LRRC72: variants seen among roughly 807,000 people sequenced by gnomAD.
The protein encoded by LRRC72 is leucine-rich repeat-containing protein 72.
A neutral mutation model predicts 35.8 loss-of-function variants in LRRC72; 41 were observed. The ratio of observed to expected loss-of-function variants is 1.15; its 90% CI spans 0.89 to 1.49. The LOEUF (loss-of-function observed/expected upper bound fraction) is 1.49. Ranked by LOEUF, LRRC72 falls within the 40% of genes most tolerant of loss-of-function variation. The probability of loss-of-function intolerance (pLI) is 0.00; values close to 1 mark genes in which losing one functional copy is unlikely to be tolerated. For missense variants in LRRC72, 389 were observed against 330.7 expected, an observed-to-expected ratio of 1.18 and a Z score of -1.37; for synonymous variants, 118 against 119.2, an observed-to-expected ratio of 0.99 and a Z score of 0.07.
At chr7:16,579,428 T>A (rs994887176) in intron 7 of LRRC72, among the ~76,000 whole-genome samples, 2 of 152,130 alleles carry the variant, frequency 1.3e-5, no homozygotes, top group African/African-American at 4.8e-5. Flanking sequence ...TACTGTGGGC[T>A]TCTCTGGCAC....
chr7:16,571,905 G>T (rs1782952438), intron 7 of LRRC72, among the ~76,000 whole-genome samples: 1 of 152,200 alleles, frequency 6.6e-6, no homozygotes, highest in Admixed American at 6.5e-5. Context: ...TAGCTCAGCG[G>T]ATCCCACCCC....
At chr7:16,535,205 T>C (rs1782232784) in intron 2 of LRRC72, among the ~76,000 whole-genome samples, 1 of 152,040 alleles carries the variant, frequency 6.6e-6, no homozygotes, top group African/African-American at 2.4e-5. Flanking sequence ...AAAAAAAAAG[T>C]TGTTTTGGAA....
chr7:16,557,556 A>G, intron 4 of LRRC72, 115 bp downstream of exon 4: 1 of 356,036 alleles, frequency 2.8e-6, no homozygotes, highest in Admixed American at 4.8e-5. Context: ...TTGAAAATAT[A>G]TTAAGAAATG....
At chr7:16,546,625 G>T (rs192315444) in intron 3 of LRRC72, among the ~76,000 whole-genome samples, 1 of 152,014 alleles carries the variant, frequency 6.6e-6, no homozygotes, top group African/African-American at 2.4e-5. Flanking sequence ...TCTTACAGTA[G>T]CCAACAAGGT....
At chr7:16,551,354 A>G (rs1232196292) in intron 3 of LRRC72, among the ~76,000 whole-genome samples, 1 of 152,182 alleles carries the variant, frequency 6.6e-6, no homozygotes, top group East Asian at 1.9e-4. Flanking sequence ...CCTGGCATAC[A>G]ACTCCCCAAA....
chr7:16,574,770 A>C (rs1214699317), intron 7 of LRRC72, among the ~76,000 whole-genome samples: 1 of 152,096 alleles, frequency 6.6e-6, no homozygotes, highest in East Asian at 1.9e-4. Context: ...CACGTCCTGC[A>C]CATATATCCT....
intron 5 of LRRC72, among the ~76,000 whole-genome samples, chr7:16,560,549 T>G (rs540498438): frequency 6.6e-6 from 1 of 152,320 alleles, no homozygotes; most frequent in Non-Finnish European, 1.5e-5. Context: ...TTGAGTCACC[T>G]GGCCCCTGTC....
chr7:16,577,074 C>T lies in LRRC72; in HGVS notation c.671-3000C>T, dbSNP rs539875728. Among the ~76,000 whole-genome samples, 42 of 152,292 alleles carry T rather than the reference C, an allele frequency of 2.8e-4. No homozygotes were observed. The South Asian group carries it at 7.5e-3, about 27-fold the overall frequency. On this transcript the variant is annotated intron_variant, in intron 7 of 8. Coordinates refer to ENST00000401542, the MANE Select transcript of LRRC72 (RefSeq NM_001195280.2). ...CATTTCTGACTTTGGGTAGCTATGA[C>T]ATATCAGGCACACCCAGAAGAGTAA...
At chr7:16,568,087 CA>C (rs796746681) in intron 7 of LRRC72, among the ~76,000 whole-genome samples, 14 of 147,664 alleles carry the variant, frequency 9.5e-5, no homozygotes, top group East Asian at 3.9e-4. Context: ...AACAGAAATG[CA>C]AAAAAAAATA....
At chr7:16,564,524 A>G (rs1319635180) in intron 5 of LRRC72, among the ~76,000 whole-genome samples, 2 of 151,454 alleles carry the variant, frequency 1.3e-5, no homozygotes, top group Non-Finnish European at 2.9e-5. Flanking sequence ...AAAAAAAAAA[A>G]GTTTTATTTT....
At chr7:16,576,363 A>AATT (rs1783040915) in intron 7 of LRRC72, among the ~76,000 whole-genome samples, 1 of 152,192 alleles carries the variant, frequency 6.6e-6, no homozygotes, top group African/African-American at 2.4e-5. Context: ...GAGAAATATG[A>AATT]ATTATTTTAT....
chr7:16,536,573 C>T (rs1013937731), intron 2 of LRRC72, among the ~76,000 whole-genome samples: 3 of 151,442 alleles, frequency 2.0e-5, no homozygotes, highest in East Asian at 1.9e-4. Context: ...TTAAAAATTA[C>T]GATGGTTATA....
At chr7:16,551,420 T>C (rs1405881583) in intron 3 of LRRC72, among the ~76,000 whole-genome samples, 5 of 152,178 alleles carry the variant, frequency 3.3e-5, no homozygotes, top group Non-Finnish European at 5.9e-5. Context: ...AATTGAGTGA[T>C]GGTTGGCAGC....
rs948780548 is a variant in LRRC72, at chr7:16,557,502, T to A, written c.316+61T>A. On this transcript the variant is annotated intron_variant, in intron 4 of 8. Coordinates refer to ENST00000401542, the MANE Select transcript of LRRC72 (RefSeq NM_001195280.2). ...TCAATTAAGTAATAACTTTCAACTA[T>A]GGTAATTGCTAATGACAGACAAAAA... 5 of 525,444 alleles carry A rather than the reference T, an allele frequency of 9.5e-6. No homozygotes were observed. In the African/African-American group the frequency reaches 9.9e-5, roughly 10 times the overall value. 32.5% of individuals were successfully genotyped at this position (525,444 alleles called of 1,614,324 possible).
Position 16,579,311 on chromosome 7 carries a change from A to G in LRRC72, c.671-763A>G, listed in dbSNP as rs569561952. ...AAAAGAAAGAGCCTAGGATGATCAG[A>G]AACGCATGAGAGACTTTCGTTAGCC... On this transcript the variant is annotated intron_variant, in intron 7 of 8. Coordinates refer to ENST00000401542, the MANE Select transcript of LRRC72 (RefSeq NM_001195280.2). 2.6e-5 allele frequency among the ~76,000 whole-genome samples: 4 copies of G among 152,326 alleles called. No homozygotes were observed. In the South Asian group the frequency reaches 8.3e-4, roughly 32 times the overall value.
intron 7 of LRRC72, among the ~76,000 whole-genome samples, 159 bp from the exon 8 acceptor site, chr7:16,579,911 TTAGA>T (rs1163365332): frequency 6.6e-6 from 1 of 152,150 alleles, no homozygotes; most frequent in Non-Finnish European, 1.5e-5. Flanking sequence ...TGCTTTGGAG[TTAGA>T]TAAAAAGGCA....
chr7:16,532,172 T>C (rs1192968095), intron 1 of LRRC72, among the ~76,000 whole-genome samples: 2 of 152,166 alleles, frequency 1.3e-5, no homozygotes, highest in African/African-American at 4.8e-5. Flanking sequence ...CATTTAAAAA[T>C]AGTTCTTTAA....
intron 5 of LRRC72, among the ~76,000 whole-genome samples, chr7:16,564,513 G>A (rs1286313624): frequency 3.5e-4 from 50 of 144,546 alleles, no homozygotes; most frequent in African/African-American, 1.1e-3. Flanking sequence ...AAGAAATCTT[G>A]AAAAAAAAAA....
At chr7:16,563,282 T>TG (rs923202237) in intron 5 of LRRC72, among the ~76,000 whole-genome samples, 4 of 152,214 alleles carry the variant, frequency 2.6e-5, no homozygotes, top group African/African-American at 9.6e-5. Flanking sequence ...GATGGCTTTT[T>TG]TTTTTCCTCT....
Sources: gnomAD v4.1 joint callset for allele counts (sites outside exome capture counted in the v4.1 genomes callset) on GRCh38, gnomAD v4.1.1 for gene constraint, MANE v1.5 for transcripts, NCBI Gene and HGNC (gene_info 2026-07-23, HGNC 2026-07-21) for gene names.